SCN1A: variants seen among roughly 807,000 people sequenced by gnomAD.
SCN1A encodes sodium voltage-gated channel alpha subunit 1.
Under a neutral mutation model 193.7 loss-of-function variants are expected in SCN1A, and 13 were observed. That is an observed-to-expected ratio of 0.07 (90% CI 0.04 to 0.11). The LOEUF (loss-of-function observed/expected upper bound fraction) is 0.11, where lower values mean the gene tolerates loss of function less well. Among genes scored for constraint, SCN1A ranks in the 10% least tolerant of loss-of-function variants. The pLI is 1.00. For synonymous variants in SCN1A, 781 were observed against 843.6 expected (o/e 0.93, Z 1.29); for missense variants, 1,432 against 2,451.1 (o/e 0.58, Z 8.78).
chr2:166,004,210 C>T (rs1691339696), intron 23 of SCN1A, among the ~76,000 whole-genome samples: 1 of 151,612 alleles, frequency 6.6e-6, no homozygotes, highest in Non-Finnish European at 1.5e-5. Flanking sequence ...AGATTTCTTT[C>T]AGATTAGAGA....
chr2:166,103,326 C>T (rs1292991620), intron 2 of SCN1A, among the ~76,000 whole-genome samples: 1 of 152,022 alleles, frequency 6.6e-6, no homozygotes, highest in Non-Finnish European at 1.5e-5. Context: ...TGGCAGGCAC[C>T]TGTGGTCCCA....
At chr2:166,014,020 T>A in intron 20 of SCN1A, 122 bp from the exon 21 acceptor site, 1 of 1,197,276 alleles carries the variant, frequency 8.4e-7, no homozygotes, top group Non-Finnish European at 1.2e-6. Context: ...CATAGCTCTC[T>A]AAGCCTAGAG....
At chr2:166,088,217 T>A (rs1323096115) in intron 2 of SCN1A, among the ~76,000 whole-genome samples, 1 of 152,180 alleles carries the variant, frequency 6.6e-6, no homozygotes, top group African/African-American at 2.4e-5. Context: ...TTCTCTAATC[T>A]AGATGTACAT....
chr2:166,039,420 TACCAATCG>T lies in SCN1A; in HGVS notation c.2584_2589+2del. 1 of 1,554,288 alleles carries T rather than the reference TACCAATCG, an allele frequency of 6.4e-7. No homozygotes were observed. The highest frequency in any genetic ancestry group is 1.9e-5 in the Admixed American group (1 of 52,936). ...ATTTGGTGCTTTTTTTTTTTTTTTT[TACCAATCG>T]AAATGAACGGAGAACAGATAATCCT... On this transcript the variant is annotated splice_donor_variant and coding_sequence_variant, in exon 17 of 29. Coordinates refer to ENST00000674923, the MANE Select transcript of SCN1A (RefSeq NM_001165963.4). LOFTEE classifies it high-confidence loss of function.
chr2:166,137,004 G>A (rs948302043), intron 1 of SCN1A, among the ~76,000 whole-genome samples: 2 of 152,256 alleles, frequency 1.3e-5, no homozygotes, highest in South Asian at 2.1e-4. Flanking sequence ...CCCTCTACTT[G>A]TCCATTATTC....
chr2:166,048,980 C>T (rs1399676691), intron 9 of SCN1A, 31 bp from the exon 10 acceptor site: 3 of 1,364,394 alleles, frequency 2.2e-6, no homozygotes, highest in African/African-American at 2.8e-5. Flanking sequence ...GTATGATGAA[C>T]ATTTGCATTG....
chr2:166,093,802 A>G (rs1687084984), intron 2 of SCN1A, among the ~76,000 whole-genome samples: 1 of 152,246 alleles, frequency 6.6e-6, no homozygotes, highest in Non-Finnish European at 1.5e-5. Context: ...GAGGTTCAGC[A>G]AAGTTAAATA....
intron 14 of SCN1A, 43 bp downstream of exon 14, chr2:166,043,626 A>C: frequency 2.6e-6 from 4 of 1,567,036 alleles, no homozygotes; most frequent in Non-Finnish European, 3.5e-6. Flanking sequence ...CTGGTGCAGC[A>C]ATAGTGAGCC....
chr2:166,037,655 C>CT lies in SCN1A; in HGVS notation c.2946+120dup, dbSNP rs67819222. The CT allele has an allele frequency of 0.28, 238,130 of 858,196 alleles. 29,133 individuals carry two copies. The highest frequency in any genetic ancestry group is 0.3 in the Non-Finnish European group (162,104 of 533,598). 53.2% of individuals were successfully genotyped at this position (858,196 alleles called of 1,614,324 possible). A position where few individuals can be genotyped will look rare whatever the true frequency, so the allele number is the denominator to read the frequency against. On this transcript the variant is annotated intron_variant, in intron 18 of 28. Coordinates refer to ENST00000674923, the MANE Select transcript of SCN1A (RefSeq NM_001165963.4). Reference sequence around the variant, plus strand: ...AAAACAGTCACCATTAAATTATACTCTTTTTTTTTATTATACTTTAAGTTT... The same window carrying CT: ...AAAACAGTCACCATTAAATTATACTCTTTTTTTTTTATTATACTTTAAGTTT...
intron 2 of SCN1A, chr2:166,104,319 T>C (rs1034599372): frequency 1.3e-5 from 2 of 152,144 alleles, no homozygotes; most frequent in Admixed American, 1.3e-4. Context: ...ATGATGAACA[T>C]TGTCTAATGT....
chr2:166,006,846 G>A (rs899055155), intron 23 of SCN1A, among the ~76,000 whole-genome samples: 2 of 151,160 alleles, frequency 1.3e-5, no homozygotes, highest in African/African-American at 4.8e-5. Context: ...AACAGCAGGG[G>A]CTGTATGCCT....
intron 4 of SCN1A, among the ~76,000 whole-genome samples, chr2:166,061,471 A>C (rs1379696754): frequency 6.6e-6 from 1 of 152,134 alleles, no homozygotes; most frequent in Non-Finnish European, 1.5e-5. Context: ...TTACAACTAG[A>C]TAGGAGGAAC....
intron 4 of SCN1A, among the ~76,000 whole-genome samples, chr2:166,059,809 T>A (rs1683095670): frequency 6.6e-6 from 1 of 152,136 alleles, no homozygotes; most frequent in South Asian, 2.1e-4. Context: ...TCCCCTATAC[T>A]TGCAGGATTT....
intron 19 of SCN1A, among the ~76,000 whole-genome samples, chr2:166,033,147 T>C (rs2105775564): frequency 6.6e-6 from 1 of 152,268 alleles, no homozygotes; most frequent in East Asian, 1.9e-4. Flanking sequence ...CATTATTTAT[T>C]ACTATACTCT....
Position 166,136,441 on chromosome 2 carries a change from G to T in SCN1A, c.-50+12606C>A, listed in dbSNP as rs79589136. Among the ~76,000 whole-genome samples the T allele has an allele frequency of 9.0e-4, 137 of 151,792 alleles. 2 individuals carry two copies. The East Asian group carries it at 0.026, about 28-fold the overall frequency. ...ATATATGCATATATATATATGTTATGTTATGCTACACACACACAACTGCTA... is the reference window on the plus strand; with the variant it reads ...ATATATGCATATATATATATGTTATTTTATGCTACACACACACAACTGCTA... On this transcript the variant is annotated intron_variant, in intron 1 of 26. Transcript: ENST00000635750.
intron 2 of SCN1A, chr2:166,081,614 C>T (rs1685532151): frequency 6.6e-6 from 1 of 151,918 alleles, no homozygotes; most frequent in Non-Finnish European, 1.5e-5. Flanking sequence ...CCGAGAGACA[C>T]CCAGCATCCA....
intron 19 of SCN1A, among the ~76,000 whole-genome samples, chr2:166,028,600 TCTTA>T (rs1695123553): frequency 6.6e-6 from 1 of 152,188 alleles, no homozygotes; most frequent in African/African-American, 2.4e-5. Flanking sequence ...GTAAAATGGT[TCTTA>T]CTTCACATCC....
intron 1 of SCN1A, among the ~76,000 whole-genome samples, chr2:166,143,996 G>A (rs1692202195): frequency 6.6e-6 from 1 of 152,132 alleles, no homozygotes; most frequent in Admixed American, 6.5e-5. Flanking sequence ...GAACATCTCC[G>A]TATCAAACCC....
chr2:166,025,833 C>A (rs1487260521), intron 19 of SCN1A, among the ~76,000 whole-genome samples: 1 of 152,136 alleles, frequency 6.6e-6, no homozygotes, highest in Non-Finnish European at 1.5e-5. Flanking sequence ...CCTTCTTAAT[C>A]ATATTAGTAA....
Sources: gnomAD v4.1 joint callset for allele counts (sites outside exome capture counted in the v4.1 genomes callset) on GRCh38, gnomAD v4.1.1 for gene constraint, MANE v1.5 for transcripts, NCBI Gene and HGNC (gene_info 2026-07-23, HGNC 2026-07-21) for gene names.